Variants in RMST observed in about 807,000 individuals in gnomAD.
The protein encoded by RMST is rhabdomyosarcoma 2 associated transcript.
At chr12:97,521,928 C>G (rs569301733) in intron 10 of RMST, among the ~76,000 whole-genome samples, 1 of 152,144 alleles carries the variant, frequency 6.6e-6, no homozygotes, top group African/African-American at 2.4e-5. Flanking sequence ...ACTTAGATTC[C>G]CTGATTTTGT....
chr12:97,499,500 C>T (rs17027088), intron 10 of RMST, among the ~76,000 whole-genome samples: 5,707 of 152,186 alleles, frequency 0.038, 222 homozygotes, highest in East Asian at 0.17. Flanking sequence ...CATTTAATTT[C>T]TCAGCTGAGT....
rs529540600 is a variant in RMST at position 97,541,605 on chromosome 12, A to G, written n.1545+10746A>G. On this transcript the variant is annotated intron_variant and non_coding_transcript_variant, in intron 11 of 13. Coordinates refer to ENST00000640149, the Ensembl canonical transcript of RMST. ...TGTATGAAAATGGAGTGGGCGAGTTAGAAAAGCTGGAACCAGGAACTTAGA... is the reference window on the plus strand; with the variant it reads ...TGTATGAAAATGGAGTGGGCGAGTTGGAAAAGCTGGAACCAGGAACTTAGA... Among the ~76,000 whole-genome samples, 98 of 151,816 alleles carry G rather than the reference A, an allele frequency of 6.5e-4. No homozygotes were observed. The South Asian group carries it at 7.5e-3, about 12-fold the overall frequency.
rs1378852825 is a variant in RMST, at chr12:97,522,261, C to A, written n.1341-8394C>A. ...TGCTCCATGTGCATTTCCTTGTATT[C>A]ATCAATTCTGACCTATATTCATTCT... On this transcript the variant is annotated intron_variant and non_coding_transcript_variant, in intron 10 of 13. Transcript: ENST00000640149. Among the ~76,000 whole-genome samples, 4 of 152,190 alleles carry A rather than the reference C, an allele frequency of 2.6e-5. No individual in the cohort carries two copies. In the South Asian group the frequency reaches 8.3e-4, roughly 32 times the overall value.
intron 11 of RMST, among the ~76,000 whole-genome samples, chr12:97,553,822 G>C (rs1298350093): frequency 6.6e-6 from 1 of 151,414 alleles, no homozygotes; most frequent in Non-Finnish European, 1.5e-5. Context: ...CCCAGCATGA[G>C]TAATATTTAA....
At chr12:97,500,309 A>G (rs1877945030) in intron 10 of RMST, among the ~76,000 whole-genome samples, 1 of 152,226 alleles carries the variant, frequency 6.6e-6, no homozygotes, top group Non-Finnish European at 1.5e-5. Flanking sequence ...GCATCAGTGT[A>G]TGACATGGTC....
intron 10 of RMST, among the ~76,000 whole-genome samples, chr12:97,521,266 G>T (rs1169686865): frequency 6.6e-6 from 1 of 152,038 alleles, no homozygotes; most frequent in Non-Finnish European, 1.5e-5. Flanking sequence ...ATCTTGTGAT[G>T]ATAACGCAAT....
intron 11 of RMST, among the ~76,000 whole-genome samples, chr12:97,540,767 A>C (rs1194145183): frequency 6.6e-6 from 1 of 151,664 alleles, no homozygotes; most frequent in Non-Finnish European, 1.5e-5. Flanking sequence ...CTCAGTAAAT[A>C]ATAACTATAA....
intron 10 of RMST, among the ~76,000 whole-genome samples, chr12:97,506,675 GTTTTTTT>G (rs780505590): frequency 3.9e-5 from 3 of 76,964 alleles, no homozygotes; most frequent in East Asian, 4.2e-4. Context: ...AGGGTAATCT[GTTTTTTT>G]TTTTTTTTTT....
chr12:97,564,174 T>C (rs1483808578), exon 14 of RMST: 1 of 242,770 alleles, frequency 4.1e-6, no homozygotes, highest in Non-Finnish European at 8.3e-6. Flanking sequence ...GAACTATTAA[T>C]AGCCCACCAG....
chr12:97,547,609 ATTATAG>A (rs909136053), intron 11 of RMST, among the ~76,000 whole-genome samples: 1 of 151,930 alleles, frequency 6.6e-6, no homozygotes, highest in Non-Finnish European at 1.5e-5. Context: ...GTGATATCTG[ATTATAG>A]TTTTAATTTG....
chr12:97,524,228 G>A (rs576960109), intron 10 of RMST, among the ~76,000 whole-genome samples: 204 of 152,004 alleles, frequency 1.3e-3, no homozygotes, highest in Non-Finnish European at 2.2e-3. Context: ...CAGCATTTGA[G>A]AGCTTAGCAG....
intron 10 of RMST, among the ~76,000 whole-genome samples, chr12:97,511,346 A>C (rs1879271698): frequency 6.6e-6 from 1 of 151,946 alleles, no homozygotes; most frequent in Non-Finnish European, 1.5e-5. Context: ...ACGGGGTTTC[A>C]CCATGTTGGC....
intron 13 of RMST, chr12:97,564,076 A>G: frequency 3.0e-6 from 1 of 337,358 alleles, no homozygotes; most frequent in South Asian, 2.5e-5. Context: ...CATATTCGTA[A>G]TCATTGATTA....
chr12:97,472,555 T>C (rs573730350), intron 5 of RMST, among the ~76,000 whole-genome samples: 1 of 152,282 alleles, frequency 6.6e-6, no homozygotes, highest in East Asian at 1.9e-4. Flanking sequence ...ACTCAGTTAC[T>C]TACTGATTGG....
intron 5 of RMST, among the ~76,000 whole-genome samples, chr12:97,486,352 C>CAAAGTCAT (rs57973608): frequency 0.83 from 125,986 of 151,854 alleles, 52,656 homozygotes; most frequent in Middle Eastern, 0.91. Flanking sequence ...AGTGACATGG[C>CAAAGTCAT]TACCTTGAAC....
intron 5 of RMST, among the ~76,000 whole-genome samples, chr12:97,483,174 C>T (rs1875636837): frequency 1.3e-5 from 2 of 152,044 alleles, no homozygotes; most frequent in Non-Finnish European, 2.9e-5. Context: ...ATATTAGTTG[C>T]ACTAATAAAG....
chr12:97,468,553 T>G (rs1470319317), intron 5 of RMST, among the ~76,000 whole-genome samples: 1 of 152,028 alleles, frequency 6.6e-6, no homozygotes, highest in African/African-American at 2.4e-5. Context: ...ATTTCCTGTG[T>G]TTTTCTGACA....
At chr12:97,548,072 A>G (rs1883065408) in intron 11 of RMST, among the ~76,000 whole-genome samples, 1 of 152,026 alleles carries the variant, frequency 6.6e-6, no homozygotes, top group Non-Finnish European at 1.5e-5. Context: ...TGATTTTTGT[A>G]TATAGTTTGA....
At chr12:97,489,861 T>A (rs1876562401) in intron 5 of RMST, among the ~76,000 whole-genome samples, 1 of 152,222 alleles carries the variant, frequency 6.6e-6, no homozygotes, top group African/African-American at 2.4e-5. Context: ...AATCCTAAAC[T>A]GTAGTACTAT....
Sources: gnomAD v4.1 joint callset for allele counts (sites outside exome capture counted in the v4.1 genomes callset) on GRCh38, gnomAD v4.1.1 for gene constraint, MANE v1.5 for transcripts, NCBI Gene and HGNC (gene_info 2026-07-23, HGNC 2026-07-21) for gene names.